The following SH3BP5L variants were observed in gnomAD, a reference collection of about 807,000 sequenced individuals.
SH3BP5L encodes the protein SH3 domain-binding protein 5-like.
A neutral mutation model predicts 40.9 loss-of-function variants in SH3BP5L; 16 were observed. That is an observed-to-expected ratio of 0.39 (90% CI 0.27 to 0.59). The LOEUF (loss-of-function observed/expected upper bound fraction) is 0.59. Ranked by LOEUF, SH3BP5L falls within the 20% of genes least tolerant of loss-of-function variation. The probability of loss-of-function intolerance (pLI) is 0.53; values close to 1 mark genes in which losing one functional copy is unlikely to be tolerated. For missense variants in SH3BP5L, 471 were observed against 544.6 expected (o/e 0.86, Z 1.35); for synonymous variants, 229 against 226.7 (o/e 1.01, Z -0.09).
intron 5 of SH3BP5L, 187 bp downstream of exon 5, chr1:248,814,262 G>A: frequency 1.5e-6 from 1 of 653,610 alleles, no homozygotes; most frequent in Non-Finnish European, 2.6e-6. Flanking sequence ...AAGTCAGAGG[G>A]AAATGGAATA....
chr1:248,824,676 A>G (rs1424255719), intron 2 of SH3BP5L, 77 bp downstream of exon 2: 1 of 1,539,946 alleles, frequency 6.5e-7, no homozygotes, highest in East Asian at 2.3e-5. Flanking sequence ...AGTAAGTCTA[A>G]GCCCTCATTC....
chr1:248,813,104 C>CG lies in SH3BP5L; in HGVS notation c.595dup (p.Arg199ProfsTer7), dbSNP rs776685418. The CG allele has an allele frequency of 6.2e-7, 1 of 1,611,468 alleles. No individual in the cohort carries two copies. The highest frequency in any genetic ancestry group is 1.1e-5 in the South Asian group (1 of 90,772). Reference sequence around the variant, plus strand: ...CCGAGCCTCAGCCTGTTGGCACAGCCGAGTCACTCGCTGGTGCTCCCGCTC... The same window carrying CG: ...CCGAGCCTCAGCCTGTTGGCACAGCCGGAGTCACTCGCTGGTGCTCCCGCTC... On this transcript the variant is annotated frameshift_variant, in exon 6 of 7. Coordinates refer to ENST00000366472, the MANE Select transcript of SH3BP5L (RefSeq NM_030645.3). LOFTEE classifies it high-confidence loss of function.
In SH3BP5L at chr1:248,812,744, C is replaced by T. The variant is rs1663985168; in HGVS notation, c.711+245G>A. Among the ~76,000 whole-genome samples, 1 of 152,182 alleles carries T rather than the reference C, an allele frequency of 6.6e-6. No homozygotes were observed. Among genetic ancestry groups the T allele is most frequent in the Non-Finnish European group, 1.5e-5 (1 of 68,024 alleles). On this transcript the variant is annotated intron_variant, in intron 6 of 6. Coordinates refer to ENST00000366472, the MANE Select transcript of SH3BP5L (RefSeq NM_030645.3). This position sits in a 1 kb window ranked among gnomAD's most constrained non-coding sequence, Gnocchi z 6.1. ...ATCCCAGATTTCCACCAGTTCTTTTCCTCTTGTTTACCTCCCTTCTTCCAA... is the reference window on the plus strand; with the variant it reads ...ATCCCAGATTTCCACCAGTTCTTTTTCTCTTGTTTACCTCCCTTCTTCCAA...
chr1:248,825,759 C>T (rs1179996041), intron 1 of SH3BP5L, 76 bp downstream of exon 1: 4 of 505,974 alleles, frequency 7.9e-6, no homozygotes, highest in African/African-American at 2.1e-5. Context: ...CAATTCCACA[C>T]TCTTCCGCAA....
Position 248,812,937 on chromosome 1 carries a change from C to T in SH3BP5L, c.711+52G>A. On this transcript the variant is annotated intron_variant, in intron 6 of 6. Coordinates refer to ENST00000366472, the MANE Select transcript of SH3BP5L (RefSeq NM_030645.3). This position sits in a 1 kb window ranked among gnomAD's most constrained non-coding sequence, Gnocchi z 6.1. ...CAGAGAGGCCGACCAGCATCCCCTC[C>T]AGCCTGCACCCCCACCTACCCATTC... 1 of 1,509,862 alleles carries T rather than the reference C, an allele frequency of 6.6e-7. No homozygotes were observed. 93.5% of individuals were successfully genotyped at this position (1,509,862 alleles called of 1,614,324 possible). A position where few individuals can be genotyped will look rare whatever the true frequency, so the allele number is the denominator to read the frequency against.
chr1:248,815,287 A>T (rs1452286640), intron 4 of SH3BP5L, among the ~76,000 whole-genome samples: 1 of 152,154 alleles, frequency 6.6e-6, no homozygotes, highest in Non-Finnish European at 1.5e-5. Flanking sequence ...TTAAAAAAAT[A>T]AAATATTAAT....
At position 248,822,617 on chromosome 1, in the gene SH3BP5L, G is replaced by C. The variant is rs1029562512; in HGVS notation, c.183+2136C>G. 5.3e-5 allele frequency among the ~76,000 whole-genome samples: 8 copies of C among 151,864 alleles called. No homozygotes were observed. In the South Asian group the frequency reaches 1.5e-3, roughly 28 times the overall value. On this transcript the variant is annotated intron_variant, in intron 2 of 6. Transcript: ENST00000366472. ...CTCATCTGATAGAAGAGTCAGTGAT[G>C]ACAGAATATTCTATTTATGCACTGT...
At chr1:248,813,198 T>G in intron 5 of SH3BP5L, 36 bp from the exon 6 acceptor site, 2 of 1,472,928 alleles carry the variant, frequency 1.4e-6, no homozygotes, top group Non-Finnish European at 1.8e-6. Flanking sequence ...CCAGGACCCA[T>G]GCTTCAGTCT....
At chr1:248,819,726 A>G in intron 2 of SH3BP5L, among the ~76,000 whole-genome samples, 1 of 129,496 alleles carries the variant, frequency 7.7e-6, no homozygotes, top group Non-Finnish European at 1.7e-5. Flanking sequence ...AAAAAAAAAA[A>G]TCACAAAAAA....
At chr1:248,819,618 A>G (rs549656247) in intron 2 of SH3BP5L, among the ~76,000 whole-genome samples, 65 of 146,788 alleles carry the variant, frequency 4.4e-4, no homozygotes, top group African/African-American at 1.6e-3. Context: ...CAGGAGAATC[A>G]CCTGAATCTG....
intron 2 of SH3BP5L, among the ~76,000 whole-genome samples, chr1:248,819,216 G>C (rs1235401221): frequency 6.6e-6 from 1 of 152,120 alleles, no homozygotes. Flanking sequence ...AATGGAACGA[G>C]GAATGAGGAT....
intron 4 of SH3BP5L, chr1:248,816,318 C>T (rs564374853): frequency 4.4e-5 from 24 of 551,710 alleles, no homozygotes; most frequent in Non-Finnish European, 6.8e-5. Context: ...TAAATATTCT[C>T]CCACAGCCAC....
At chr1:248,814,168 C>A in intron 5 of SH3BP5L, 2 of 479,272 alleles carry the variant, frequency 4.2e-6, no homozygotes, top group South Asian at 2.5e-5. Flanking sequence ...AATGTTGAAT[C>A]CTCAGTATCC....
intron 2 of SH3BP5L, among the ~76,000 whole-genome samples, chr1:248,817,725 CACCTATAGTCCCAGCT>C (rs1187537177): frequency 6.6e-6 from 1 of 152,128 alleles, no homozygotes; most frequent in African/African-American, 2.4e-5. Flanking sequence ...TGGCAGCGTG[CACCTATAGTCCCAGCT>C]ACTTGGGAGG....
Position 248,825,354 on chromosome 1 carries a change from C to A in SH3BP5L, c.-419G>T, listed in dbSNP as rs986664672. On this transcript the variant is annotated 5_prime_UTR_variant, in exon 2 of 7. Coordinates refer to ENST00000366472, the MANE Select transcript of SH3BP5L (RefSeq NM_030645.3). ...GCCCGAGCTGAGGCTGTAGGATGAG[C>A]GTCTCTGGGGAGCTGCAGAGAAACA... The A allele has an allele frequency of 5.0e-6, 5 of 1,001,012 alleles. No individual in the cohort carries two copies. Among genetic ancestry groups the A allele is most frequent in the Non-Finnish European group, 6.0e-6 (5 of 839,810 alleles). The allele number at this position is 1,001,012 out of a possible 1,614,324, so 62.0% of individuals were successfully genotyped here.
chr1:248,818,151 C>T (rs185397122), intron 2 of SH3BP5L, among the ~76,000 whole-genome samples: 171 of 152,176 alleles, frequency 1.1e-3, no homozygotes, highest in African/African-American at 3.8e-3. Context: ...AGTTCAAGAC[C>T]GGCCTGGCCA....
chr1:248,814,696 A>G, intron 4 of SH3BP5L, 86 bp from the exon 5 acceptor site: 1 of 1,390,990 alleles, frequency 7.2e-7, no homozygotes, highest in Non-Finnish European at 1.0e-6. Context: ...GGATAAGAGA[A>G]GGAGGAAGGC....
Position 248,812,999 on chromosome 1 carries a change from T to C in SH3BP5L, c.701A>G (p.Gln234Arg). ...CACCCACTCAGCTACCTCCAGGATC[T>C]GGCTGAACTGGGCCTTGAGCTCAAA... Reference protein sequence around the residue: ...PYFELKAQFSQILEEHKAKVT... With the variant: ...PYFELKAQFSRILEEHKAKVT... The change falls in exon 6 of 7, where the codon CAG becomes CGG. Residue 234 changes from glutamine to arginine, a missense_variant. Gln to Arg is a conservative substitution (Grantham distance 43). This residue lies in a region of SH3BP5L where 275 missense variants were observed against 370.1 expected (regional missense o/e 0.74). Transcript: ENST00000366472. The surrounding 1 kb of genome is among the most constrained non-coding windows in gnomAD (Gnocchi z 6.1). 2 of 1,587,188 alleles carry C rather than the reference T, an allele frequency of 1.3e-6. No individual in the cohort carries two copies. The highest frequency in any genetic ancestry group is 1.3e-5 in the African/African-American group (1 of 74,402).
In SH3BP5L at chr1:248,812,988, C is replaced by A. The variant is rs1159128557; in HGVS notation, c.711+1G>T. 1 of 1,577,230 alleles carries A rather than the reference C, an allele frequency of 6.3e-7. No homozygotes were observed. ...CTCCTCCCCCTCACCCACTCAGCTA[C>A]CTCCAGGATCTGGCTGAACTGGGCC... On this transcript the variant is annotated splice_donor_variant, in intron 6 of 6. Transcript: ENST00000366472. LOFTEE classifies it high-confidence loss of function. This position sits in a 1 kb window ranked among gnomAD's most constrained non-coding sequence, Gnocchi z 6.1.
Sources: gnomAD v4.1 joint callset for allele counts (sites outside exome capture counted in the v4.1 genomes callset) on GRCh38, gnomAD v4.1.1 for gene constraint, gnomAD v4.1.1 regional missense constraint, Gnocchi (gnomAD v3.1) non-coding constraint, MANE v1.5 for transcripts, NCBI Gene and HGNC (gene_info 2026-07-23, HGNC 2026-07-21) for gene names.